The following ZNF385B variants were observed in gnomAD, a reference collection of about 807,000 sequenced individuals.
ZNF385B encodes the protein zinc finger protein 385B.
In ZNF385B, 23 loss-of-function variants were observed where a neutral mutation model predicts 39.2. The ratio of observed to expected loss-of-function variants is 0.59; its 90% CI spans 0.42 to 0.83. The LOEUF (loss-of-function observed/expected upper bound fraction) is 0.83, where lower values mean the gene tolerates loss of function less well. Among genes scored for constraint, ZNF385B ranks in the 40% least tolerant of loss-of-function variants. ZNF385B has a pLI of 0.00. For missense variants in ZNF385B, 552 were observed against 598.9 expected (o/e 0.92, Z 0.82); for synonymous variants, 205 against 222.6 (o/e 0.92, Z 0.70).
intron 3 of ZNF385B, among the ~76,000 whole-genome samples, chr2:179,566,462 C>T (rs1684588834): frequency 6.6e-6 from 1 of 152,192 alleles, no homozygotes; most frequent in Non-Finnish European, 1.5e-5. Flanking sequence ...CCTTGCAAAA[C>T]ATAAAGCCAT....
At chr2:179,807,889 C>T (rs915450016) in intron 1 of ZNF385B, among the ~76,000 whole-genome samples, 5 of 51,242 alleles carry the variant, frequency 9.8e-5, no homozygotes, top group Admixed American at 5.9e-4. Context: ...AGCGAGACTC[C>T]GTCTGAAAGA....
chr2:179,515,903 T>G (rs1377444601), intron 5 of ZNF385B, among the ~76,000 whole-genome samples: 1 of 152,178 alleles, frequency 6.6e-6, no homozygotes, highest in Non-Finnish European at 1.5e-5. Context: ...AAAACGTTCC[T>G]GCATTTCCCT....
chr2:179,466,047 AC>A (rs1346714491), intron 6 of ZNF385B, among the ~76,000 whole-genome samples: 2 of 152,332 alleles, frequency 1.3e-5, no homozygotes, highest in East Asian at 3.9e-4. Context: ...AACTAGTAAA[AC>A]AAATATACAT....
chr2:179,802,715 G>A (rs1013987030), intron 1 of ZNF385B: 1 of 152,088 alleles, frequency 6.6e-6, no homozygotes, highest in African/African-American at 2.4e-5. Flanking sequence ...CTGAATGACA[G>A]TGATTCAAAC....
At chr2:179,758,573 C>T (rs1408279938) in intron 3 of ZNF385B, among the ~76,000 whole-genome samples, 1 of 152,210 alleles carries the variant, frequency 6.6e-6, no homozygotes, top group Non-Finnish European at 1.5e-5. Context: ...TAGAGAGACA[C>T]AAACATTCAA....
chr2:179,654,544 T>G (rs1456913000), intron 3 of ZNF385B, among the ~76,000 whole-genome samples: 1 of 152,184 alleles, frequency 6.6e-6, no homozygotes, highest in Non-Finnish European at 1.5e-5. Context: ...TTAGGTCACT[T>G]TCCCTGTCTT....
In ZNF385B at chr2:179,456,207, G is replaced by T. The variant is rs553497882; in HGVS notation, c.716-9437C>A. Among the ~76,000 whole-genome samples the T allele has an allele frequency of 8.5e-5, 13 of 152,266 alleles. No individual in the cohort carries two copies. In the South Asian group the frequency reaches 2.5e-3, roughly 29 times the overall value. On this transcript the variant is annotated intron_variant, in intron 6 of 9. Coordinates refer to ENST00000410066, the MANE Select transcript of ZNF385B (RefSeq NM_152520.6). ...TCATCTGATAATTTCCTCAGGACAT[G>T]AACTTTGAAGAAAAATTGCTGGGAC...
chr2:179,759,736 A>T (rs1275539653), intron 3 of ZNF385B, among the ~76,000 whole-genome samples: 1 of 152,086 alleles, frequency 6.6e-6, no homozygotes, highest in Non-Finnish European at 1.5e-5. Context: ...TTACATGTAG[A>T]TCTGTCATTG....
At chr2:179,571,476 T>C (rs1394794345) in intron 3 of ZNF385B, among the ~76,000 whole-genome samples, 1 of 152,184 alleles carries the variant, frequency 6.6e-6, no homozygotes, top group Non-Finnish European at 1.5e-5. Flanking sequence ...CAGGGCTCCA[T>C]AGCCAGCAAA....
chr2:179,456,125 C>T (rs955725811), intron 6 of ZNF385B, among the ~76,000 whole-genome samples: 3 of 152,108 alleles, frequency 2.0e-5, no homozygotes, highest in African/African-American at 7.2e-5. Context: ...TCATTGAATT[C>T]ATATATTCAA....
chr2:179,799,445 A>G (rs13014793), intron 1 of ZNF385B, among the ~76,000 whole-genome samples: 9,157 of 152,148 alleles, frequency 0.06, 494 homozygotes, highest in South Asian at 0.17. Context: ...ATCTGCAGGA[A>G]CAAATATTCC....
intron 3 of ZNF385B, among the ~76,000 whole-genome samples, chr2:179,621,050 A>G (rs1335438688): frequency 1.3e-5 from 2 of 152,128 alleles, no homozygotes; most frequent in Admixed American, 1.3e-4. Context: ...GATGTCTTGG[A>G]TCATACTAAC....
chr2:179,776,872 A>T (rs977763967), intron 1 of ZNF385B, among the ~76,000 whole-genome samples: 1 of 152,142 alleles, frequency 6.6e-6, no homozygotes, highest in African/African-American at 2.4e-5. Flanking sequence ...TGATGGGCAA[A>T]CAGGCTGGGA....
At chr2:179,647,264 C>G (rs1692799788) in intron 3 of ZNF385B, among the ~76,000 whole-genome samples, 1 of 150,834 alleles carries the variant, frequency 6.6e-6, no homozygotes. Context: ...CCCTGAAGTT[C>G]CTTTAATCTT....
At chr2:179,518,712 T>C (rs2058270795) in intron 4 of ZNF385B, 74 bp from the exon 5 acceptor site, 3 of 861,558 alleles carry the variant, frequency 3.5e-6, no homozygotes, top group Admixed American at 2.8e-5. Flanking sequence ...ATAACAGTAG[T>C]TGAAATATTC....
chr2:179,678,987 G>T (rs1250389036), intron 3 of ZNF385B, among the ~76,000 whole-genome samples: 1 of 152,068 alleles, frequency 6.6e-6, no homozygotes, highest in Non-Finnish European at 1.5e-5. Flanking sequence ...TTTCCTTAAG[G>T]TTAGAAATTG....
intron 4 of ZNF385B, 71 bp from the exon 5 acceptor site, chr2:179,518,709 T>C (rs2058270553): frequency 1.1e-6 from 1 of 875,680 alleles, no homozygotes. Flanking sequence ...CAAATAACAG[T>C]AGTTGAAATA....
intron 6 of ZNF385B, among the ~76,000 whole-genome samples, chr2:179,482,517 A>T (rs947516662): frequency 2.0e-5 from 3 of 151,888 alleles, no homozygotes; most frequent in Admixed American, 6.6e-5. Flanking sequence ...ACAAAAATGA[A>T]TTTTTTTTCT....
At chr2:179,607,308 T>C (rs546554036) in intron 3 of ZNF385B, among the ~76,000 whole-genome samples, 8 of 152,192 alleles carry the variant, frequency 5.3e-5, no homozygotes, top group African/African-American at 1.9e-4. Flanking sequence ...TGGGAAGTGA[T>C]TGGATCATGG....
Sources: gnomAD v4.1 joint callset for allele counts (sites outside exome capture counted in the v4.1 genomes callset) on GRCh38, gnomAD v4.1.1 for gene constraint, MANE v1.5 for transcripts, NCBI Gene and HGNC (gene_info 2026-07-23, HGNC 2026-07-21) for gene names.